Variants in THSD7B observed in about 807,000 individuals in gnomAD.
THSD7B encodes thrombospondin type-1 domain-containing protein 7B.
THSD7B carries 138 observed loss-of-function variants against 213.6 expected under a neutral mutation model. The ratio of observed to expected loss-of-function variants is 0.65; its 90% confidence interval spans 0.56 to 0.74. The LOEUF (loss-of-function observed/expected upper bound fraction) is 0.74. Among genes scored for constraint, THSD7B ranks in the 30% least tolerant of loss-of-function variants. The pLI is 0.00. For synonymous variants in THSD7B, 742 were observed against 687.0 expected (o/e 1.08, Z -1.25); for missense variants, 1,931 against 1,991.5 (o/e 0.97, Z 0.58).
chr2:137,252,818 A>G (rs1310465204), intron 10 of THSD7B, among the ~76,000 whole-genome samples: 4 of 151,584 alleles, frequency 2.6e-5, no homozygotes, highest in Non-Finnish European at 4.4e-5. Context: ...GGAATTCAGA[A>G]CCTGGCTCAT....
At chr2:136,884,322 G>T (rs1344605833) in intron 2 of THSD7B, among the ~76,000 whole-genome samples, 1 of 152,206 alleles carries the variant, frequency 6.6e-6, no homozygotes, top group Admixed American at 6.5e-5. Context: ...CAACTTCTGG[G>T]TATGTAGGGG....
At chr2:137,113,277 C>T (rs1187404495) in intron 4 of THSD7B, among the ~76,000 whole-genome samples, 1 of 152,104 alleles carries the variant, frequency 6.6e-6, no homozygotes, top group African/African-American at 2.4e-5. Flanking sequence ...TGAGGTGGCC[C>T]TGAAGAATAG....
intron 10 of THSD7B, among the ~76,000 whole-genome samples, chr2:137,244,043 G>A (rs970517463): frequency 6.6e-6 from 1 of 152,160 alleles, no homozygotes. Flanking sequence ...TGGATGAACA[G>A]GGTTTGTTAA....
intron 2 of THSD7B, among the ~76,000 whole-genome samples, chr2:137,040,635 C>T (rs1686865507): frequency 6.6e-6 from 1 of 152,040 alleles, no homozygotes; most frequent in African/African-American, 2.4e-5. Context: ...TCTCGTGATC[C>T]ACCCGCCTTG....
chr2:137,060,447 T>G (rs567112462), intron 3 of THSD7B, among the ~76,000 whole-genome samples: 1 of 152,016 alleles, frequency 6.6e-6, no homozygotes, highest in East Asian at 1.9e-4. Flanking sequence ...CAAAGTCAAC[T>G]CAATTTTTCT....
intron 12 of THSD7B, among the ~76,000 whole-genome samples, chr2:137,303,593 TC>T (rs1329601631): frequency 1.3e-5 from 2 of 149,138 alleles, no homozygotes; most frequent in Non-Finnish European, 3.0e-5. Flanking sequence ...ATTGCATGAT[TC>T]TTTTTTTAAT....
intron 2 of THSD7B, among the ~76,000 whole-genome samples, chr2:136,958,814 T>A (rs184335745): frequency 9.9e-5 from 15 of 152,276 alleles, no homozygotes; most frequent in Admixed American, 3.9e-4. Context: ...GACCAAGCAA[T>A]CTAATAGTCA....
At chr2:137,189,809 C>G (rs971019909) in intron 7 of THSD7B, among the ~76,000 whole-genome samples, 2 of 152,090 alleles carry the variant, frequency 1.3e-5, no homozygotes, top group African/African-American at 4.8e-5. Flanking sequence ...ACACAAACTT[C>G]TTACTGCATG....
At chr2:137,620,322 G>A (rs1682495022) in intron 19 of THSD7B, among the ~76,000 whole-genome samples, 1 of 152,192 alleles carries the variant, frequency 6.6e-6, no homozygotes, top group South Asian at 2.1e-4. Context: ...TGCTGATTGA[G>A]CAACAGGACA....
At chr2:137,041,358 G>T (rs1233219049) in intron 2 of THSD7B, among the ~76,000 whole-genome samples, 2 of 151,980 alleles carry the variant, frequency 1.3e-5, no homozygotes. Flanking sequence ...GGTCATTGAG[G>T]TGATACATAT....
intron 17 of THSD7B, among the ~76,000 whole-genome samples, chr2:137,582,105 CA>C (rs1681593611): frequency 6.6e-6 from 1 of 150,616 alleles, no homozygotes; most frequent in South Asian, 2.1e-4. Context: ...GACTCATTCT[CA>C]AAAAATAAAA....
intron 1 of THSD7B, among the ~76,000 whole-genome samples, chr2:136,791,557 C>T (rs1289069115): frequency 6.6e-6 from 1 of 151,780 alleles, no homozygotes. Flanking sequence ...CCCCCGCCCC[C>T]CATCCGAGGC....
chr2:137,500,724 G>T (rs528593025), intron 15 of THSD7B, among the ~76,000 whole-genome samples: 1 of 152,256 alleles, frequency 6.6e-6, no homozygotes, highest in Non-Finnish European at 1.5e-5. Context: ...CATCCAGTAA[G>T]CACTCATTGC....
chr2:137,077,587 C>A (rs1315863751), intron 3 of THSD7B, among the ~76,000 whole-genome samples: 1 of 152,128 alleles, frequency 6.6e-6, no homozygotes, highest in Non-Finnish European at 1.5e-5. Flanking sequence ...TGATGATGAG[C>A]ATTTTTTCAT....
chr2:136,768,633 G>T (rs1373195340), intron 1 of THSD7B, among the ~76,000 whole-genome samples: 1 of 151,834 alleles, frequency 6.6e-6, no homozygotes, highest in Non-Finnish European at 1.5e-5. Flanking sequence ...GGGAAAAAAA[G>T]AATAGCACTA....
chr2:136,862,954 A>G (rs1631594), intron 1 of THSD7B, among the ~76,000 whole-genome samples: 119,581 of 152,116 alleles, frequency 0.79, 47,277 homozygotes, highest in Middle Eastern at 0.93. Flanking sequence ...CACGTTTCAG[A>G]TCCTTTACCA....
At chr2:137,669,881 C>T (rs536287300) in intron 27 of THSD7B, among the ~76,000 whole-genome samples, 14 of 152,262 alleles carry the variant, frequency 9.2e-5, no homozygotes, top group Middle Eastern at 3.4e-3. Context: ...TCTATTCCTT[C>T]GACAACAAAT....
intron 12 of THSD7B, among the ~76,000 whole-genome samples, chr2:137,386,489 A>G (rs1348950120): frequency 1.3e-5 from 2 of 152,184 alleles, no homozygotes; most frequent in Non-Finnish European, 2.9e-5. Flanking sequence ...ATTTTTCAAG[A>G]AAGTCACCCC....
intron 22 of THSD7B, among the ~76,000 whole-genome samples, chr2:137,655,975 G>A (rs1683228952): frequency 6.6e-6 from 1 of 152,134 alleles, no homozygotes; most frequent in Non-Finnish European, 1.5e-5. Flanking sequence ...AAACTGTGAT[G>A]TTAATTCCGT....
Sources: gnomAD v4.1 joint callset for allele counts (sites outside exome capture counted in the v4.1 genomes callset) on GRCh38, gnomAD v4.1.1 for gene constraint, MANE v1.5 for transcripts, NCBI Gene and HGNC (gene_info 2026-07-23, HGNC 2026-07-21) for gene names.